HAUS2: variants seen among roughly 807,000 people sequenced by gnomAD.
The protein encoded by HAUS2 is HAUS augmin-like complex subunit 2.
Under a neutral mutation model 21.6 loss-of-function variants are expected in HAUS2, and 20 were observed. The observed-to-expected ratio is 0.93, with a 90% CI of 0.65 to 1.35. The LOEUF (loss-of-function observed/expected upper bound fraction) is 1.35. Among genes scored for constraint, HAUS2 ranks in the 40% most tolerant of loss-of-function variants. HAUS2 has a pLI of 0.00. For missense variants in HAUS2, 297 were observed against 280.7 expected, an observed-to-expected ratio of 1.06 and a Z score of -0.42; for synonymous variants, 113 against 95.6, an observed-to-expected ratio of 1.18 and a Z score of -1.06.
At chr15:42,550,814 G>A (rs2057718058) in intron 1 of HAUS2, among the ~76,000 whole-genome samples, 1 of 151,326 alleles carries the variant, frequency 6.6e-6, no homozygotes. Context: ...GACTACAGGT[G>A]CTCACCACCT....
chr15:42,560,773 T>A (rs971148262), intron 3 of HAUS2: 4 of 701,710 alleles, frequency 5.7e-6, no homozygotes, highest in Non-Finnish European at 1.0e-5. Flanking sequence ...TTTTTCAATT[T>A]TTTTGTAGAG....
At chr15:42,563,425 A>AG (rs1566835206) in intron 4 of HAUS2, among the ~76,000 whole-genome samples, 4 of 151,888 alleles carry the variant, frequency 2.6e-5, no homozygotes, top group Admixed American at 1.3e-4. Flanking sequence ...AAAAAAAAAA[A>AG]AAAAGAAAAG....
At chr15:42,550,417 G>C (rs956969126) in intron 1 of HAUS2, among the ~76,000 whole-genome samples, 1 of 151,984 alleles carries the variant, frequency 6.6e-6, no homozygotes, top group African/African-American at 2.4e-5. Flanking sequence ...CTAAGGCTTA[G>C]ACCAAGAAAC....
Position 42,566,647 on chromosome 15 carries a change from C to A in HAUS2, c.539C>A (p.Thr180Lys). The A allele has an allele frequency of 6.2e-7, 1 of 1,609,354 alleles. No individual in the cohort carries two copies. Among genetic ancestry groups the A allele is most frequent in the Non-Finnish European group, 8.5e-7 (1 of 1,175,804 alleles). Residue 180 changes from threonine (T) to lysine (K), a missense_variant, in exon 6 of 6, where the codon ACA becomes AAA. Transcript: ENST00000260372. ...AAGATGGATATATTGGTGACTGAGA[C>A]AGAAGAACTGGCAGAGAATATACTC... is the stretch of plus-strand genomic sequence containing the variant. ...LAKMDILVTE[T>K]EELAENILKW...
rs1026090365 is a variant in HAUS2 at position 42,567,839 on chromosome 15, A to G, written c.*1023A>G. Reference sequence around the variant, plus strand: ...AACCTGGGTGATGGAGCAAGACTCCATCTCCAAAAAAATAAAAAATACAAA... The same window carrying G: ...AACCTGGGTGATGGAGCAAGACTCCGTCTCCAAAAAAATAAAAAATACAAA... On this transcript the variant is annotated 3_prime_UTR_variant, in exon 6 of 6. Coordinates refer to ENST00000260372, the MANE Select transcript of HAUS2 (RefSeq NM_018097.3). 6.6e-6 allele frequency: 1 copy of G among 151,678 alleles called. No individual in the cohort carries two copies. The highest frequency in any genetic ancestry group is 2.4e-5 in the African/African-American group (1 of 41,230). The allele number at this position is 151,678 out of a possible 1,614,324, so 9.4% of individuals were successfully genotyped here.
At chr15:42,553,287 A>G (rs2057743166) in intron 1 of HAUS2, among the ~76,000 whole-genome samples, 1 of 152,040 alleles carries the variant, frequency 6.6e-6, no homozygotes, top group Non-Finnish European at 1.5e-5. Flanking sequence ...ATTAAGTATA[A>G]AGGTTCTGGA....
intron 4 of HAUS2, among the ~76,000 whole-genome samples, chr15:42,562,696 G>A (rs947999867): frequency 2.6e-5 from 4 of 152,216 alleles, no homozygotes; most frequent in African/African-American, 4.8e-5. Flanking sequence ...TAAGAACTAG[G>A]CAATGATTTG....
At chr15:42,563,526 T>C (rs2057871489) in intron 4 of HAUS2, among the ~76,000 whole-genome samples, 1 of 152,196 alleles carries the variant, frequency 6.6e-6, no homozygotes, top group African/African-American at 2.4e-5. Context: ...GGATTACTGT[T>C]GTCTCTTTCC....
rs370412798 is a variant in HAUS2 at position 42,558,341 on chromosome 15, G to C, written c.186+51G>C. On this transcript the variant is annotated intron_variant, in intron 2 of 5. Coordinates refer to ENST00000260372, the MANE Select transcript of HAUS2 (RefSeq NM_018097.3). ...TTTTTTTTTTTTTTTTTTTTTTTGA[G>C]ACGGAGTCTTGCTCTGTCACGCAGG... The C allele has an allele frequency of 5.0e-4, 273 of 543,256 alleles. 3 individuals are homozygous for C. Among genetic ancestry groups the C allele is most frequent in the Middle Eastern group, 2.3e-3 (4 of 1,744 alleles). The allele number at this position is 543,256 out of a possible 1,614,324, so 33.7% of individuals were successfully genotyped here.
chr15:42,557,159 C>T (rs1353160534), intron 1 of HAUS2, among the ~76,000 whole-genome samples: 2 of 139,080 alleles, frequency 1.4e-5, no homozygotes, highest in Non-Finnish European at 3.1e-5. Context: ...CTAAAAAATA[C>T]AAAAAAATTA....
At position 42,568,144 on chromosome 15, in the gene HAUS2, C is replaced by G. The variant is rs539096595; in HGVS notation, c.*1328C>G. On this transcript the variant is annotated 3_prime_UTR_variant, in exon 6 of 6. Transcript: ENST00000260372. Reference sequence around the variant, plus strand: ...GAGTAACACAGCCAGCCTGACTTATCCTTTGAAAGGCCTGATTATAAGGTT... The same window carrying G: ...GAGTAACACAGCCAGCCTGACTTATGCTTTGAAAGGCCTGATTATAAGGTT... 2 of 152,344 alleles carry G rather than the reference C, an allele frequency of 1.3e-5. No individual in the cohort carries two copies. Among genetic ancestry groups the G allele is most frequent in the East Asian group, 3.9e-4 (2 of 5,190 alleles). 9.4% of individuals were successfully genotyped at this position (152,344 alleles called of 1,614,324 possible). A position where few individuals can be genotyped will look rare whatever the true frequency, so the allele number is the denominator to read the frequency against.
At chr15:42,551,395 C>T (rs2057723827) in intron 1 of HAUS2, among the ~76,000 whole-genome samples, 2 of 152,032 alleles carry the variant, frequency 1.3e-5, no homozygotes, top group Admixed American at 1.3e-4. Context: ...AATCCCAACA[C>T]TTTGGGAGGC....
intron 1 of HAUS2, among the ~76,000 whole-genome samples, chr15:42,555,549 T>C (rs535043913): frequency 6.6e-6 from 1 of 152,230 alleles, no homozygotes; most frequent in African/African-American, 2.4e-5. Flanking sequence ...TATGATTATG[T>C]TGGAGACTAT....
In HAUS2 at chr15:42,565,081, C is replaced by G. The variant is rs1020387643; in HGVS notation, c.498+1224C>G. ...CCAACTCCTGACCTCAGGTGATCCA[C>G]CTGCCTCAGCCTCCCAAAGTGTTGG... is the stretch of plus-strand genomic sequence containing the variant. On this transcript the variant is annotated intron_variant, in intron 5 of 5. Transcript: ENST00000260372. Among the ~76,000 whole-genome samples, 5 of 150,728 alleles carry G rather than the reference C, an allele frequency of 3.3e-5. No homozygotes were observed. In the East Asian group the frequency reaches 9.6e-4, roughly 29 times the overall value.
intron 1 of HAUS2, among the ~76,000 whole-genome samples, chr15:42,556,924 A>G (rs1003735750): frequency 2.0e-5 from 3 of 151,636 alleles, no homozygotes; most frequent in Non-Finnish European, 4.4e-5. Context: ...GGAAGCTGTA[A>G]TCCCAGCTAT....
Position 42,567,251 on chromosome 15 carries a change from AT to A in HAUS2, c.*437del, listed in dbSNP as rs2057915637. On this transcript the variant is annotated 3_prime_UTR_variant, in exon 6 of 6. Transcript: ENST00000260372. ...CCCATATCTACAAAATAAACAAAAA[AT>A]TAGCCGACCATGGTGGTGCATGCCT... 6.0e-6 allele frequency: 1 copy of A among 167,502 alleles called. No individual in the cohort carries two copies. The highest frequency in any genetic ancestry group is 1.3e-5 in the Non-Finnish European group (1 of 78,282). The allele number at this position is 167,502 out of a possible 1,614,324, so 10.4% of individuals were successfully genotyped here. A position where few individuals can be genotyped will look rare whatever the true frequency, so the allele number is the denominator to read the frequency against.
intron 1 of HAUS2, among the ~76,000 whole-genome samples, chr15:42,549,965 A>G (rs1238440670): frequency 6.6e-6 from 1 of 151,996 alleles, no homozygotes; most frequent in Non-Finnish European, 1.5e-5. Flanking sequence ...GTGAGGAAAT[A>G]ATGGAATGCA....
chr15:42,563,032 G>A (rs1286420456), intron 4 of HAUS2, among the ~76,000 whole-genome samples: 2 of 151,532 alleles, frequency 1.3e-5, no homozygotes, highest in African/African-American at 4.9e-5. Flanking sequence ...AGAATCACTT[G>A]AACCCAGGAG....
intron 1 of HAUS2, 70 bp downstream of exon 1, chr15:42,549,035 G>A: frequency 1.0e-6 from 1 of 998,502 alleles, no homozygotes; most frequent in South Asian, 1.4e-5. Flanking sequence ...GTGAGTTGGT[G>A]CTGCTGGCTG....
Sources: allele counts gnomAD v4.1 joint callset (sites outside exome capture counted in the v4.1 genomes callset), GRCh38; gene constraint gnomAD v4.1.1; transcripts MANE v1.5; gene names NCBI Gene and HGNC (gene_info 2026-07-23, HGNC 2026-07-21).